Variants in HS6ST3 observed in about 807,000 individuals in gnomAD.
The protein encoded by HS6ST3 is heparan-sulfate 6-O-sulfotransferase 3.
HS6ST3 carries 12 observed loss-of-function variants against 36.7 expected under a neutral mutation model. That is an observed-to-expected ratio of 0.33 (90% CI 0.21 to 0.53). The LOEUF is 0.53. HS6ST3 is among the 20% of genes least tolerant of loss of function. The pLI, the probability that HS6ST3 is intolerant of heterozygous loss-of-function variation, is 0.95. For missense variants in HS6ST3, 584 were observed against 640.9 expected, an observed-to-expected ratio of 0.91 and a Z score of 0.96; for synonymous variants, 240 against 257.5, an observed-to-expected ratio of 0.93 and a Z score of 0.65.
intron 1 of HS6ST3, among the ~76,000 whole-genome samples, chr13:96,805,645 G>A (rs938267521): frequency 6.6e-6 from 1 of 152,110 alleles, no homozygotes. Context: ...CTATGAGCTA[G>A]GTACTTTATT....
At chr13:96,814,539 GCA>G (rs1360153734) in intron 1 of HS6ST3, among the ~76,000 whole-genome samples, 1 of 151,930 alleles carries the variant, frequency 6.6e-6, no homozygotes, top group Non-Finnish European at 1.5e-5. Context: ...CAATTTCAAT[GCA>G]CAGTTTTTTA....
intron 1 of HS6ST3, among the ~76,000 whole-genome samples, chr13:96,559,569 T>G (rs2056254347): frequency 1.3e-5 from 2 of 152,056 alleles, no homozygotes; most frequent in African/African-American, 4.8e-5. Context: ...GATTATATCT[T>G]TGGTTCTATT....
intron 1 of HS6ST3, among the ~76,000 whole-genome samples, chr13:96,660,264 C>A (rs1333654908): frequency 6.6e-6 from 1 of 152,024 alleles, no homozygotes; most frequent in Non-Finnish European, 1.5e-5. Context: ...TACAATAACA[C>A]CTGCCTCCCA....
At chr13:96,430,369 C>T (rs935364233) in intron 1 of HS6ST3, among the ~76,000 whole-genome samples, 1 of 152,186 alleles carries the variant, frequency 6.6e-6, no homozygotes, top group Non-Finnish European at 1.5e-5. Context: ...AACGCCCTCC[C>T]TCCTAGATTC....
At chr13:96,329,868 G>A (rs1368761418) in intron 1 of HS6ST3, among the ~76,000 whole-genome samples, 117 of 135,568 alleles carry the variant, frequency 8.6e-4, no homozygotes, top group Admixed American at 1.8e-3. Flanking sequence ...GGGTGCTCCT[G>A]TATTGGGTGC....
At chr13:96,305,933 C>CT (rs1297192889) in intron 1 of HS6ST3, among the ~76,000 whole-genome samples, 38 of 136,414 alleles carry the variant, frequency 2.8e-4, no homozygotes, top group East Asian at 1.7e-3. Context: ...TCTTTCTTTC[C>CT]TTTTTTTTTT....
At chr13:96,146,600 A>G (rs911674595) in intron 1 of HS6ST3, among the ~76,000 whole-genome samples, 5 of 152,228 alleles carry the variant, frequency 3.3e-5, no homozygotes, top group African/African-American at 1.2e-4. Context: ...ATTTGGATTT[A>G]TTCAAGATAC....
At chr13:96,640,386 GT>G in intron 1 of HS6ST3, among the ~76,000 whole-genome samples, 1 of 151,936 alleles carries the variant, frequency 6.6e-6, no homozygotes, top group Non-Finnish European at 1.5e-5. Flanking sequence ...GTTTGCTCAT[GT>G]CTTTTGTCCA....
intron 1 of HS6ST3, among the ~76,000 whole-genome samples, chr13:96,200,415 C>A: frequency 6.6e-6 from 1 of 152,188 alleles, no homozygotes; most frequent in East Asian, 1.9e-4. Flanking sequence ...GTTCCCTCTG[C>A]CTGGAAGGCT....
chr13:96,663,267 A>G (rs1394343119), intron 1 of HS6ST3, among the ~76,000 whole-genome samples: 1 of 152,070 alleles, frequency 6.6e-6, no homozygotes, highest in Non-Finnish European at 1.5e-5. Flanking sequence ...CTCAGTTTAG[A>G]CTGTTATTTA....
chr13:96,253,952 T>G (rs1049936214), intron 1 of HS6ST3, among the ~76,000 whole-genome samples: 8 of 152,168 alleles, frequency 5.3e-5, no homozygotes, highest in Non-Finnish European at 8.8e-5. Context: ...TTGTTTTAAT[T>G]ACCAAAGAAA....
At chr13:96,568,037 C>A (rs1325198797) in intron 1 of HS6ST3, among the ~76,000 whole-genome samples, 2 of 152,100 alleles carry the variant, frequency 1.3e-5, no homozygotes, top group Non-Finnish European at 2.9e-5. Context: ...ATTTGTATAG[C>A]CATTTTGGAA....
intron 1 of HS6ST3, among the ~76,000 whole-genome samples, 192 bp downstream of exon 1, chr13:96,091,761 C>G (rs971573742): frequency 6.6e-6 from 1 of 152,072 alleles, no homozygotes. Flanking sequence ...CGTTCTTCCC[C>G]CAGCCCCCAC....
chr13:96,750,993 G>T (rs1432584805), intron 1 of HS6ST3, among the ~76,000 whole-genome samples: 3 of 152,036 alleles, frequency 2.0e-5, no homozygotes, highest in East Asian at 3.9e-4. Context: ...TCAATATCTG[G>T]CTAATACTCT....
chr13:96,781,149 T>C (rs1877516432), intron 1 of HS6ST3, among the ~76,000 whole-genome samples: 1 of 152,182 alleles, frequency 6.6e-6, no homozygotes, highest in Non-Finnish European at 1.5e-5. Flanking sequence ...ACTCTCTTCT[T>C]CCTGCCCTTT....
At position 96,313,161 on chromosome 13, in the gene HS6ST3, C is replaced by T. The variant is rs781397307; in HGVS notation, c.707+221592C>T. Among the ~76,000 whole-genome samples the T allele has an allele frequency of 1.1e-4, 17 of 152,010 alleles. 1 individual carries two copies. In the South Asian group the frequency reaches 1.7e-3, roughly 15 times the overall value. ...GGTTACTGGAAGCTGGCAACTGCCT[C>T]GAGGTAGCTGCTGGATTGAGAGCCT... On this transcript the variant is annotated intron_variant, in intron 1 of 1. Coordinates refer to ENST00000376705, the MANE Select transcript of HS6ST3 (RefSeq NM_153456.4).
chr13:96,368,512 T>A (rs555052432), intron 1 of HS6ST3, among the ~76,000 whole-genome samples: 270 of 138,698 alleles, frequency 1.9e-3, no homozygotes, highest in Middle Eastern at 7.5e-3. Context: ...CTTTTTTTTT[T>A]AAAAAAAAAA....
At chr13:96,690,133 T>C (rs1038366868) in intron 1 of HS6ST3, among the ~76,000 whole-genome samples, 1 of 152,078 alleles carries the variant, frequency 6.6e-6, no homozygotes, top group Non-Finnish European at 1.5e-5. Context: ...TACCATCCCA[T>C]TCCTACAACA....
intron 1 of HS6ST3, among the ~76,000 whole-genome samples, chr13:96,454,255 A>C (rs1362738945): frequency 6.6e-6 from 1 of 152,172 alleles, no homozygotes; most frequent in Non-Finnish European, 1.5e-5. Context: ...CCATCAGTGA[A>C]ATCATAGTGG....
Sources: allele counts gnomAD v4.1 joint callset (sites outside exome capture counted in the v4.1 genomes callset), GRCh38; gene constraint gnomAD v4.1.1; transcripts MANE v1.5; gene names NCBI Gene and HGNC (gene_info 2026-07-23, HGNC 2026-07-21).